Variants in FREM2 observed in about 807,000 individuals in gnomAD.
The protein encoded by FREM2 is FRAS1-related extracellular matrix protein 2.
Under a neutral mutation model 219.9 loss-of-function variants are expected in FREM2, and 119 were observed. The observed-to-expected ratio is 0.54, with a 90% CI of 0.47 to 0.63. FREM2 has a LOEUF of 0.63. Among genes scored for constraint, FREM2 ranks in the 30% least tolerant of loss-of-function variants. The pLI, the probability that FREM2 is intolerant of heterozygous loss-of-function variation, is 0.00. For synonymous variants in FREM2, 1,562 were observed against 1,522.8 expected, an observed-to-expected ratio of 1.03 and a Z score of -0.60; for missense variants, 4,030 against 3,993.6, an observed-to-expected ratio of 1.01 and a Z score of -0.25.
intron 6 of FREM2, among the ~76,000 whole-genome samples, chr13:38,843,440 C>CA (rs35771970): frequency 1.0e-3 from 144 of 140,334 alleles, no homozygotes; most frequent in East Asian, 2.5e-3. Flanking sequence ...GTTTCTAGGC[C>CA]AAAAAAAAAA....
chr13:38,776,970 C>T (rs1189626159), intron 4 of FREM2, among the ~76,000 whole-genome samples: 1 of 151,988 alleles, frequency 6.6e-6, no homozygotes, highest in Admixed American at 6.6e-5. Context: ...TTCACAAAGA[C>T]AGCAGCAGTT....
intron 2 of FREM2, among the ~76,000 whole-genome samples, chr13:38,760,520 C>G (rs1303721186): frequency 1.3e-5 from 2 of 152,156 alleles, no homozygotes; most frequent in African/African-American, 2.4e-5. Context: ...CTGGGAGTGT[C>G]ATTTAGAGAA....
At chr13:38,862,633 A>G (rs1452421931) in intron 15 of FREM2, among the ~76,000 whole-genome samples, 2 of 152,172 alleles carry the variant, frequency 1.3e-5, no homozygotes, top group Non-Finnish European at 2.9e-5. Context: ...TGAATCTGAG[A>G]GGAAGAGGTG....
Position 38,880,471 on chromosome 13 carries a change from T to A in FREM2, c.9194T>A (p.Ile3065Asn). The change falls in exon 24 of 24, where the codon ATT becomes AAT. Residue 3065 changes from isoleucine to asparagine, a missense_variant. By Grantham distance (149) the Ile-to-Asn change is moderately radical. Transcript: ENST00000280481. ...AGCACACCCTCACTGGCATGGGAGA[T>A]TGGTGCTGAAAACAGTCGAGGAACA... is the stretch of plus-strand genomic sequence containing the variant. ...IRSTPSLAWE[I>N]GAENSRGTNI... The A allele has an allele frequency of 6.2e-7, 1 of 1,613,142 alleles. No homozygotes were observed. The highest frequency in any genetic ancestry group is 8.5e-7 in the Non-Finnish European group (1 of 1,179,852).
intron 11 of FREM2, 113 bp downstream of exon 11, chr13:38,851,981 T>C: frequency 2.1e-6 from 2 of 943,310 alleles, no homozygotes; most frequent in Non-Finnish European, 1.7e-6. Flanking sequence ...AATAGGGCAC[T>C]CTTTTTTAGG....
intron 6 of FREM2, among the ~76,000 whole-genome samples, chr13:38,838,965 C>T (rs545266994): frequency 3.3e-5 from 5 of 152,254 alleles, no homozygotes; most frequent in South Asian, 2.1e-4. Context: ...TTCTTCAATT[C>T]GTCAAACTCA....
rs1872402567 is a variant in FREM2, at chr13:38,744,859, G to A, written c.5264-19445G>A. On this transcript the variant is annotated intron_variant, in intron 2 of 23. Transcript: ENST00000280481. ...AAAGTAGTACCACTTTCCTACCCAG[G>A]CAATTAGGCAGATTTTTCTACAGTA... 2.0e-5 allele frequency among the ~76,000 whole-genome samples: 3 copies of A among 152,130 alleles called. No individual in the cohort carries two copies. In the South Asian group the frequency reaches 6.2e-4, roughly 32 times the overall value.
chr13:38,846,770 T>C (rs1178768475), intron 7 of FREM2, 48 bp downstream of exon 7: 1 of 1,598,070 alleles, frequency 6.3e-7, no homozygotes, highest in South Asian at 1.1e-5. Context: ...CAATTTTCAA[T>C]GACCATGGCA....
intron 6 of FREM2, among the ~76,000 whole-genome samples, chr13:38,832,429 A>T (rs917705280): frequency 6.6e-6 from 1 of 152,172 alleles, no homozygotes; most frequent in East Asian, 1.9e-4. Context: ...TTAAATGGGT[A>T]GCAAATGAAT....
At chr13:38,829,375 G>A (rs149593378) in intron 6 of FREM2, among the ~76,000 whole-genome samples, 6 of 152,228 alleles carry the variant, frequency 3.9e-5, no homozygotes, top group Non-Finnish European at 8.8e-5. Context: ...CTTTCAGCCT[G>A]TCATGGCAGA....
chr13:38,701,952 G>A (rs534965371), intron 2 of FREM2, among the ~76,000 whole-genome samples: 4 of 152,216 alleles, frequency 2.6e-5, no homozygotes, highest in African/African-American at 9.6e-5. Context: ...GGCTGAGCAC[G>A]AGGTAAATAC....
intron 2 of FREM2, among the ~76,000 whole-genome samples, chr13:38,749,641 C>G (rs997897096): frequency 6.6e-6 from 1 of 151,930 alleles, no homozygotes; most frequent in African/African-American, 2.4e-5. Context: ...GCTCCCTGGC[C>G]CCTACCCATT....
chr13:38,737,459 A>G (rs181128770), intron 2 of FREM2, among the ~76,000 whole-genome samples: 14 of 152,336 alleles, frequency 9.2e-5, no homozygotes, highest in Non-Finnish European at 2.9e-5. Context: ...ATTATCCACC[A>G]TCCATAAAAC....
At chr13:38,841,374 G>A (rs1876957621) in intron 6 of FREM2, among the ~76,000 whole-genome samples, 1 of 152,090 alleles carries the variant, frequency 6.6e-6, no homozygotes, top group African/African-American at 2.4e-5. Context: ...GTTTTGCCAT[G>A]AACCTAAAAC....
Position 38,878,176 on chromosome 13 carries a change from A to G in FREM2, c.8714A>G (p.Asn2905Ser), listed in dbSNP as rs372783304. The G allele has an allele frequency of 6.2e-7, 1 of 1,613,774 alleles. No homozygotes were observed. Among genetic ancestry groups the G allele is most frequent in the Non-Finnish European group, 8.5e-7 (1 of 1,179,878 alleles). ...CGTGTCATGGTGGATCCTGTCCAGA[A>G]TCTGGGTGACTCCTTTTACTGCAGC... ...YGRVMVDPVQ[N>S]LGDSFYCSIE... is the part of the protein sequence containing the mutation. Residue 2905 changes from asparagine (N) to serine (S), a missense_variant, in exon 22 of 24, where the codon AAT (asparagine) becomes AGT (serine). By Grantham distance (46) the Asn-to-Ser change is conservative (BLOSUM62 1). This residue lies in a region of FREM2 where 928 missense variants were observed against 1,042.9 expected (regional missense o/e 0.89). Coordinates refer to ENST00000280481, the MANE Select transcript of FREM2 (RefSeq NM_207361.6).
Position 38,807,622 on chromosome 13 carries a change from A to G in FREM2, c.6019+22814A>G, listed in dbSNP as rs565864034. Among the ~76,000 whole-genome samples, 7 of 152,068 alleles carry G rather than the reference A, an allele frequency of 4.6e-5. No individual in the cohort carries two copies. The South Asian group carries it at 1.5e-3, about 32-fold the overall frequency. ...ATTAATATTCTTATATATCTCTATCAGAGCTATTGGGTAACTAAGTGCATT... is the reference window on the plus strand; with the variant it reads ...ATTAATATTCTTATATATCTCTATCGGAGCTATTGGGTAACTAAGTGCATT... On this transcript the variant is annotated intron_variant, in intron 6 of 23. Transcript: ENST00000280481.
chr13:38,784,900 T>C, intron 6 of FREM2, 92 bp downstream of exon 6: 1 of 1,335,136 alleles, frequency 7.5e-7, no homozygotes, highest in Non-Finnish European at 1.1e-6. Flanking sequence ...TCTAAAACAA[T>C]GATAATATAC....
Position 38,718,312 on chromosome 13 carries a change from A to T in FREM2, c.5263+20525A>T, listed in dbSNP as rs551737117. On this transcript the variant is annotated intron_variant, in intron 2 of 23. Transcript: ENST00000280481. ...TGAATCTTATCTAGTTAGCATTATT[A>T]ATTATGACAGCCCTACTCCAGGGGT... 3.3e-3 allele frequency among the ~76,000 whole-genome samples: 505 copies of T among 152,330 alleles called. 5 individuals carry two copies. Among genetic ancestry groups the T allele is most frequent in the African/African-American group, 0.011 (442 of 41,570 alleles).
intron 6 of FREM2, among the ~76,000 whole-genome samples, chr13:38,844,507 A>C (rs909827780): frequency 9.9e-5 from 15 of 152,224 alleles, no homozygotes; most frequent in Non-Finnish European, 1.5e-4. Context: ...TGACAGAATG[A>C]GTCTGAAACA....
Sources: allele counts gnomAD v4.1 joint callset (sites outside exome capture counted in the v4.1 genomes callset), GRCh38; gene constraint gnomAD v4.1.1; regional missense constraint gnomAD v4.1.1; transcripts MANE v1.5; gene names NCBI Gene and HGNC (gene_info 2026-07-23, HGNC 2026-07-21).